TPRG1: variants seen among roughly 807,000 people sequenced by gnomAD.
TPRG1 encodes the protein tumor protein p63-regulated gene 1 protein.
A neutral mutation model predicts 29.3 loss-of-function variants in TPRG1; 29 were observed. That is an observed-to-expected ratio of 0.99 (90% CI 0.74 to 1.35). The LOEUF is 1.35. Ranked by LOEUF, TPRG1 falls within the 40% of genes most tolerant of loss-of-function variation. The pLI is 0.00. For missense variants in TPRG1, 327 were observed against 335.0 expected (o/e 0.98, Z 0.19); for synonymous variants, 130 against 116.8 (o/e 1.11, Z -0.73).
At chr3:189,227,085 G>A (rs1737866473) in intron 3 of TPRG1, among the ~76,000 whole-genome samples, 1 of 152,006 alleles carries the variant, frequency 6.6e-6, no homozygotes, top group Non-Finnish European at 1.5e-5. Context: ...GCAGGGGGAA[G>A]GGAGATCATT....
intron 3 of TPRG1, among the ~76,000 whole-genome samples, chr3:189,234,177 C>T (rs936091899): frequency 2.6e-5 from 4 of 152,138 alleles, no homozygotes; most frequent in Non-Finnish European, 4.4e-5. Flanking sequence ...CCACGCTTGG[C>T]CTTGTGCATA....
chr3:189,039,814 T>C (rs1714514014), intron 4 of TPRG1, among the ~76,000 whole-genome samples: 2 of 150,352 alleles, frequency 1.3e-5, no homozygotes, highest in Middle Eastern at 6.8e-3. Context: ...GGAAAGGAGA[T>C]CATTCTGATA....
chr3:189,285,548 T>C (rs1717913895), intron 4 of TPRG1, among the ~76,000 whole-genome samples: 2 of 152,256 alleles, frequency 1.3e-5, no homozygotes, highest in South Asian at 4.1e-4. Flanking sequence ...TCCAGATTAT[T>C]AGACTAATGT....
chr3:189,287,296 A>G (rs1221196303), intron 4 of TPRG1, among the ~76,000 whole-genome samples: 2 of 152,098 alleles, frequency 1.3e-5, no homozygotes, highest in Admixed American at 6.6e-5. Flanking sequence ...TTGCACGGTC[A>G]TCTCTAGGCA....
intron 3 of TPRG1, among the ~76,000 whole-genome samples, chr3:189,228,388 GTA>G (rs1738118167): frequency 6.6e-6 from 1 of 151,546 alleles, no homozygotes; most frequent in Admixed American, 6.6e-5. Context: ...ATATAACACA[GTA>G]TTAAAAAAAA....
chr3:189,121,004 A>G (rs932850576), intron 1 of TPRG1, among the ~76,000 whole-genome samples: 13 of 152,210 alleles, frequency 8.5e-5, no homozygotes, highest in African/African-American at 3.1e-4. Flanking sequence ...AAATTATTAG[A>G]TGACGCAGTA....
chr3:189,301,087 G>T (rs1720755255), intron 4 of TPRG1, among the ~76,000 whole-genome samples: 1 of 151,910 alleles, frequency 6.6e-6, no homozygotes, highest in Non-Finnish European at 1.5e-5. Context: ...CATGAGGTTG[G>T]GAGATCGAGA....
intron 4 of TPRG1, among the ~76,000 whole-genome samples, chr3:189,024,208 C>A (rs1713532281): frequency 6.6e-6 from 1 of 152,148 alleles, no homozygotes; most frequent in Non-Finnish European, 1.5e-5. Flanking sequence ...GGCTGGAGGC[C>A]CTGGCTGGGA....
At chr3:189,245,923 T>G (rs1350980576) in intron 4 of TPRG1, among the ~76,000 whole-genome samples, 1 of 152,186 alleles carries the variant, frequency 6.6e-6, no homozygotes, top group East Asian at 1.9e-4. Context: ...TCTTTATTTC[T>G]GGCAAAATTC....
At chr3:189,109,276 T>C (rs961610332) in intron 1 of TPRG1, among the ~76,000 whole-genome samples, 1 of 152,164 alleles carries the variant, frequency 6.6e-6, no homozygotes, top group South Asian at 2.1e-4. Context: ...AGCAAGATCC[T>C]AAAGAGGAAA....
At chr3:189,103,351 A>G (rs1276911186) in intron 1 of TPRG1, among the ~76,000 whole-genome samples, 1 of 152,164 alleles carries the variant, frequency 6.6e-6, no homozygotes, top group Non-Finnish European at 1.5e-5. Flanking sequence ...CCTTTCATCT[A>G]TTACTGTGCA....
intron 1 of TPRG1, among the ~76,000 whole-genome samples, chr3:189,173,493 C>T (rs1211160862): frequency 2.0e-5 from 3 of 151,798 alleles, no homozygotes; most frequent in Non-Finnish European, 4.4e-5. Flanking sequence ...GCATGCACCA[C>T]CACACCTGGC....
At chr3:189,033,108 T>G (rs946487006) in intron 4 of TPRG1, among the ~76,000 whole-genome samples, 1 of 152,088 alleles carries the variant, frequency 6.6e-6, no homozygotes, top group African/African-American at 2.4e-5. Flanking sequence ...ATCACACATA[T>G]CATTTCTCAC....
chr3:189,149,830 C>T (rs1725703971), intron 4 of TPRG1, among the ~76,000 whole-genome samples: 1 of 152,232 alleles, frequency 6.6e-6, no homozygotes, highest in Admixed American at 6.5e-5. Context: ...CCAACCAGAG[C>T]CCCCATCTTT....
chr3:189,312,232 C>T (rs979392956), intron 5 of TPRG1, among the ~76,000 whole-genome samples: 9 of 142,786 alleles, frequency 6.3e-5, no homozygotes, highest in Non-Finnish European at 1.2e-4. Flanking sequence ...GACGGAGTCT[C>T]GCTCTGTCAC....
chr3:189,070,344 C>G (rs1716737505), intron 4 of TPRG1, among the ~76,000 whole-genome samples: 1 of 152,018 alleles, frequency 6.6e-6, no homozygotes. Context: ...TGTTCAGTAC[C>G]TTGTCTGTGG....
chr3:189,233,793 G>T (rs1419646700), intron 3 of TPRG1, among the ~76,000 whole-genome samples: 3 of 152,116 alleles, frequency 2.0e-5, no homozygotes, highest in African/African-American at 7.2e-5. Flanking sequence ...GAATGGGTAG[G>T]ATAGAAAGCA....
chr3:189,315,916 A>G (rs1723439330), intron 5 of TPRG1, among the ~76,000 whole-genome samples: 1 of 152,220 alleles, frequency 6.6e-6, no homozygotes. Context: ...GTGGGAACAG[A>G]TAAGTCCAAA....
chr3:189,109,565 A>G (rs1325192759), intron 1 of TPRG1, among the ~76,000 whole-genome samples: 1 of 152,236 alleles, frequency 6.6e-6, no homozygotes, highest in African/African-American at 2.4e-5. Flanking sequence ...GTCCAGCAGA[A>G]TAGAAACTCA....
Sources: gnomAD v4.1 joint callset for allele counts (sites outside exome capture counted in the v4.1 genomes callset) on GRCh38, gnomAD v4.1.1 for gene constraint, MANE v1.5 for transcripts, NCBI Gene and HGNC (gene_info 2026-07-23, HGNC 2026-07-21) for gene names.